The following HACE1 variants were observed in gnomAD, a reference collection of about 807,000 sequenced individuals.
HACE1 encodes the protein E3 ubiquitin-protein ligase HACE1.
Under a neutral mutation model 118.4 loss-of-function variants are expected in HACE1, and 73 were observed. The observed-to-expected ratio is 0.62, with a 90% CI of 0.51 to 0.75. The LOEUF is 0.75. HACE1 is among the 30% of genes least tolerant of loss of function. The pLI is 0.00. For synonymous variants in HACE1, 368 were observed against 374.8 expected (o/e 0.98, Z 0.21); for missense variants, 749 against 1,102.2 (o/e 0.68, Z 4.54).
Position 104,796,881 on chromosome 6 carries a change from G to A in HACE1, c.714+48C>T, listed in dbSNP as rs774929498. ...AAAAATAATAATTTTTACCATTCCAGTTTCTATTATAAAGATAAGGGGCTC... is the reference window on the plus strand; with the variant it reads ...AAAAATAATAATTTTTACCATTCCAATTTCTATTATAAAGATAAGGGGCTC... On this transcript the variant is annotated intron_variant, in intron 8 of 23. Transcript: ENST00000262903. The A allele has an allele frequency of 5.9e-6, 7 of 1,186,092 alleles. 1 individual carries two copies. The Admixed American group carries it at 1.0e-4, about 17-fold the overall frequency. The allele number at this position is 1,186,092 out of a possible 1,614,324, so 73.5% of individuals were successfully genotyped here.
In HACE1 at chr6:104,848,437, G is replaced by A. The variant is rs540052324; in HGVS notation, c.326+705C>T. On this transcript the variant is annotated intron_variant, in intron 4 of 23. Coordinates refer to ENST00000262903, the MANE Select transcript of HACE1 (RefSeq NM_020771.4). ...TGCCACTGCACTCCAGCCTGGTGAC[G>A]GAGTGAGACCCCATCTCAAAAAAAA... Among the ~76,000 whole-genome samples the A allele has an allele frequency of 1.9e-3, 280 of 149,734 alleles. 1 individual carries two copies. Among genetic ancestry groups the A allele is most frequent in the South Asian group, 8.8e-3 (41 of 4,660 alleles).
chr6:104,835,425 A>AT (rs1338760466), intron 5 of HACE1, among the ~76,000 whole-genome samples: 1 of 152,276 alleles, frequency 6.6e-6, no homozygotes, highest in East Asian at 1.9e-4. Context: ...AAAGGATACT[A>AT]TTTTTTGAAA....
At position 104,785,167 on chromosome 6, in the gene HACE1, T is replaced by C. The variant is rs772664705; in HGVS notation, c.1227A>G (p.Glu409=). The C allele has an allele frequency of 6.2e-7, 1 of 1,613,898 alleles. No individual in the cohort carries two copies. The highest frequency in any genetic ancestry group is 8.5e-7 in the Non-Finnish European group (1 of 1,179,948). ...TTTCATAGCTCCCAGGTCCTGGAGG[T>C]TCAAATGGAGGAATGGAAGCAGCAT... The part of the protein sequence containing the change: ...DQDAASIPPF[E]PPGPGSYENL... Residue 409 remains glutamate (E), a synonymous_variant, in exon 12 of 24, where the codon GAA becomes GAG. Transcript: ENST00000262903.
chr6:104,747,183 T>C lies in HACE1; in HGVS notation c.2344-2573A>G, dbSNP rs71570315. 3.9e-5 allele frequency among the ~76,000 whole-genome samples: 6 copies of C among 152,314 alleles called. No homozygotes were observed. The South Asian group carries it at 1.2e-3, about 32-fold the overall frequency. The stretch of plus-strand genomic sequence containing the variant: ...TCATCTGTTGGAACTATGTGTAAGG[T>C]ATATAACTCATACTAATAGTTAGAA... On this transcript the variant is annotated intron_variant, in intron 20 of 23. Coordinates refer to ENST00000262903, the MANE Select transcript of HACE1 (RefSeq NM_020771.4).
At chr6:104,832,898 C>CAA (rs547712586) in intron 6 of HACE1, 144 bp downstream of exon 6, 16 of 664,022 alleles carry the variant, frequency 2.4e-5, no homozygotes, top group South Asian at 3.4e-5. Context: ...GGCCCTGTCT[C>CAA]AAAAAAAAAA....
At chr6:104,756,421 A>AT (rs1562298555) in intron 19 of HACE1, among the ~76,000 whole-genome samples, 15 of 128,176 alleles carry the variant, frequency 1.2e-4, no homozygotes, top group African/African-American at 4.3e-4. Flanking sequence ...CAAAAAAAAA[A>AT]AAAAAATATA....
intron 2 of HACE1, 148 bp downstream of exon 2, chr6:104,852,169 C>T: frequency 1.6e-6 from 1 of 632,094 alleles, no homozygotes; most frequent in Non-Finnish European, 2.9e-6. Context: ...AGTTAAATAA[C>T]TTGCCCCAGA....
intron 22 of HACE1, chr6:104,731,010 C>T (rs905787715): frequency 3.2e-5 from 5 of 157,994 alleles, no homozygotes; most frequent in African/African-American, 1.2e-4. Context: ...ATTTTTCAAA[C>T]ATCATCTAAC....
intron 19 of HACE1, among the ~76,000 whole-genome samples, chr6:104,765,895 G>T (rs1166896769): frequency 1.3e-5 from 2 of 152,162 alleles, no homozygotes; most frequent in African/African-American, 4.8e-5. Flanking sequence ...AAGTTATATA[G>T]TGTGGTCATT....
chr6:104,785,513 T>C, intron 11 of HACE1, 194 bp from the exon 12 acceptor site: 1 of 552,676 alleles, frequency 1.8e-6, no homozygotes, highest in Non-Finnish European at 3.2e-6. Context: ...AATGACAATT[T>C]CTTCATTTAT....
intron 5 of HACE1, among the ~76,000 whole-genome samples, chr6:104,834,948 T>C (rs1279686587): frequency 2.0e-5 from 3 of 152,210 alleles, no homozygotes; most frequent in East Asian, 3.8e-4. Context: ...AAACAGTCTC[T>C]AGATAAGAGA....
intron 19 of HACE1, among the ~76,000 whole-genome samples, chr6:104,770,436 A>C (rs1246995392): frequency 1.1e-4 from 16 of 152,136 alleles, no homozygotes. Flanking sequence ...AATAAAAATA[A>C]GGCCGAGAGT....
chr6:104,781,767 G>A (rs1267731313), intron 14 of HACE1, among the ~76,000 whole-genome samples: 1 of 151,380 alleles, frequency 6.6e-6, no homozygotes, highest in Non-Finnish European at 1.5e-5. Context: ...TAACCCACAT[G>A]ACTCACACTG....
rs145575625 is a variant in HACE1 at position 104,815,088 on chromosome 6, G to C, written c.535-3695C>G. ...GGAACTGGGTAAGGGGCAGAGGTTG[G>C]AACAGTTTGGAGGGCTCTGAAGAAG... On this transcript the variant is annotated intron_variant, in intron 6 of 23. Coordinates refer to ENST00000262903, the MANE Select transcript of HACE1 (RefSeq NM_020771.4). 2.7e-4 allele frequency among the ~76,000 whole-genome samples: 38 copies of C among 138,186 alleles called. 10 individuals are homozygous for C. The highest frequency in any genetic ancestry group is 9.5e-4 in the African/African-American group (33 of 34,656). The allele number at this position is 138,186 out of a possible 152,430, so 90.7% of individuals were successfully genotyped here.
At chr6:104,825,497 G>A (rs1310335793) in intron 6 of HACE1, among the ~76,000 whole-genome samples, 1 of 152,094 alleles carries the variant, frequency 6.6e-6, no homozygotes, top group African/African-American at 2.4e-5. Context: ...CAAGCAATCG[G>A]ACTGAGGGCC....
chr6:104,791,264 C>A (rs1239001422), intron 11 of HACE1, among the ~76,000 whole-genome samples: 1 of 152,002 alleles, frequency 6.6e-6, no homozygotes, highest in Non-Finnish European at 1.5e-5. Context: ...TATCTCTACC[C>A]TTAGAATAAA....
At chr6:104,775,569 T>C (rs1781145300) in intron 17 of HACE1, among the ~76,000 whole-genome samples, 1 of 152,150 alleles carries the variant, frequency 6.6e-6, no homozygotes, top group Non-Finnish European at 1.5e-5. Flanking sequence ...AATATAATGC[T>C]AGATCTAGCT....
intron 6 of HACE1, among the ~76,000 whole-genome samples, chr6:104,826,144 G>A (rs1335669124): frequency 6.6e-6 from 1 of 152,162 alleles, no homozygotes; most frequent in Non-Finnish European, 1.5e-5. Context: ...GATCTGAAGT[G>A]GAACAGTTTC....
chr6:104,817,286 G>T (rs747027193), intron 6 of HACE1, among the ~76,000 whole-genome samples: 3 of 152,106 alleles, frequency 2.0e-5, no homozygotes, highest in Non-Finnish European at 4.4e-5. Flanking sequence ...AGAGGTCTGG[G>T]GGGAGGTGAC....
Sources: allele counts gnomAD v4.1 joint callset (sites outside exome capture counted in the v4.1 genomes callset), GRCh38; gene constraint gnomAD v4.1.1; transcripts MANE v1.5; gene names NCBI Gene and HGNC (gene_info 2026-07-23, HGNC 2026-07-21).